Variants in ZHX3 observed in about 807,000 individuals in gnomAD.
The protein encoded by ZHX3 is zinc fingers and homeoboxes protein 3.
ZHX3 carries 20 observed loss-of-function variants against 64.5 expected under a neutral mutation model. The observed-to-expected ratio is 0.31, with a 90% CI of 0.22 to 0.45. The LOEUF is 0.45. Among genes scored for constraint, ZHX3 ranks in the 20% least tolerant of loss-of-function variants. The pLI, the probability that ZHX3 is intolerant of heterozygous loss-of-function variation, is 1.00. For missense variants in ZHX3, 1,041 were observed against 1,195.8 expected, an observed-to-expected ratio of 0.87 and a Z score of 1.91; for synonymous variants, 423 against 461.6, an observed-to-expected ratio of 0.92 and a Z score of 1.07.
chr20:41,233,630 G>A (rs769038437), intron 2 of ZHX3, among the ~76,000 whole-genome samples: 3 of 152,176 alleles, frequency 2.0e-5, no homozygotes, highest in African/African-American at 4.8e-5. Context: ...GGATAGATAC[G>A]GGTGTAAATA....
chr20:41,207,343 C>A (rs1013000560), intron 2 of ZHX3, among the ~76,000 whole-genome samples: 1 of 152,102 alleles, frequency 6.6e-6, no homozygotes, highest in South Asian at 2.1e-4. Flanking sequence ...ACCAAGCAGA[C>A]CTAACTGACA....
In ZHX3 at chr20:41,232,957, A is replaced by G. The variant is rs1434350973; in HGVS notation, c.-150-27891T>C. ...ACCATGACAGAGTCAGGAGAAACTT[A>G]CACAAGGCTGGTCTTAGGGTTCGTT... On this transcript the variant is annotated intron_variant, in intron 2 of 3. Coordinates refer to ENST00000683867, the MANE Select transcript of ZHX3 (RefSeq NM_001384317.1). The surrounding 1 kb of genome is among the most constrained non-coding windows in gnomAD (Gnocchi z 5.0). Among the ~76,000 whole-genome samples, 5 of 152,228 alleles carry G rather than the reference A, an allele frequency of 3.3e-5. No individual in the cohort carries two copies. The highest frequency in any genetic ancestry group is 7.3e-5 in the Non-Finnish European group (5 of 68,036).
chr20:41,180,224 C>G lies in ZHX3; in HGVS notation c.*4967G>C, dbSNP rs953478197. ...CCCTTCGCTCAGCTGCCAGAGCAGC[C>G]ACGAAAGCCAAATTCTCAGGGCTGT... On this transcript the variant is annotated 3_prime_UTR_variant, in exon 4 of 4. Coordinates refer to ENST00000683867, the MANE Select transcript of ZHX3 (RefSeq NM_001384317.1). 3.3e-5 allele frequency: 5 copies of G among 152,750 alleles called. No homozygotes were observed. The highest frequency in any genetic ancestry group is 4.1e-4 in the South Asian group (2 of 4,830). The allele number at this position is 152,750 out of a possible 1,614,324, so 9.5% of individuals were successfully genotyped here.
intron 1 of ZHX3, among the ~76,000 whole-genome samples, chr20:41,298,464 C>T (rs1171494210): frequency 6.6e-6 from 1 of 152,240 alleles, no homozygotes; most frequent in Non-Finnish European, 1.5e-5. Flanking sequence ...TCAAATTCTA[C>T]AGCCTTACTG....
chr20:41,208,859 A>G (rs963214654), intron 2 of ZHX3, among the ~76,000 whole-genome samples: 6 of 152,308 alleles, frequency 3.9e-5, no homozygotes, highest in Admixed American at 2.0e-4. Flanking sequence ...GGCAGGAGAA[A>G]GAAATAAAGG....
chr20:41,292,203 T>C (rs1343867574), intron 1 of ZHX3, among the ~76,000 whole-genome samples: 2 of 152,186 alleles, frequency 1.3e-5, no homozygotes, highest in African/African-American at 4.8e-5. Context: ...ATTGGGACTT[T>C]TGAATTTAAT....
chr20:41,284,626 C>T (rs2043846742), intron 1 of ZHX3, among the ~76,000 whole-genome samples: 1 of 152,158 alleles, frequency 6.6e-6, no homozygotes. Context: ...ATCAAGACCC[C>T]AGCCTTGAAG....
At chr20:41,241,817 ACT>A (rs1333652285) in intron 2 of ZHX3, among the ~76,000 whole-genome samples, 1 of 152,010 alleles carries the variant, frequency 6.6e-6, no homozygotes, top group Non-Finnish European at 1.5e-5. Flanking sequence ...GATTGCATTG[ACT>A]CTGTAGATTG....
Position 41,228,036 on chromosome 20 carries a change from C to G in ZHX3, c.-150-22970G>C, listed in dbSNP as rs2040378693. 6.6e-6 allele frequency among the ~76,000 whole-genome samples: 1 copy of G among 152,138 alleles called. No homozygotes were observed. The highest frequency in any genetic ancestry group is 1.5e-5 in the Non-Finnish European group (1 of 68,040). ...CCTCTCCTTCTGCCCAAACCACTTG[C>G]ACCAAGGTCATCAGTCAAGTGGCTC... is the stretch of plus-strand genomic sequence containing the variant. On this transcript the variant is annotated intron_variant, in intron 2 of 3. Coordinates refer to ENST00000683867, the MANE Select transcript of ZHX3 (RefSeq NM_001384317.1). The surrounding 1 kb of genome is among the most constrained non-coding windows in gnomAD (Gnocchi z 4.6).
intron 1 of ZHX3, among the ~76,000 whole-genome samples, chr20:41,300,450 A>T (rs920402152): frequency 6.6e-6 from 1 of 152,240 alleles, no homozygotes; most frequent in Non-Finnish European, 1.5e-5. Context: ...CCTTCATTAT[A>T]AAGTGTGGCT....
intron 2 of ZHX3, among the ~76,000 whole-genome samples, chr20:41,210,402 G>A (rs989546001): frequency 1.4e-4 from 21 of 152,326 alleles, no homozygotes; most frequent in African/African-American, 5.1e-4. Context: ...GCACACGTAT[G>A]TTTATTGCGG....
chr20:41,272,549 ACTC>A (rs1190311825), intron 1 of ZHX3, among the ~76,000 whole-genome samples: 1 of 151,606 alleles, frequency 6.6e-6, no homozygotes, highest in African/African-American at 2.4e-5. Context: ...TCCTCCTCCA[ACTC>A]CTGACAACCA....
At chr20:41,227,558 C>T (rs1310908682) in intron 2 of ZHX3, among the ~76,000 whole-genome samples, 8 of 152,134 alleles carry the variant, frequency 5.3e-5, no homozygotes, top group Admixed American at 1.3e-4. Flanking sequence ...AGTTAACTTC[C>T]GCTGCAAGAT....
chr20:41,247,424 A>AAC (rs1419510569), intron 2 of ZHX3, among the ~76,000 whole-genome samples: 2 of 152,134 alleles, frequency 1.3e-5, no homozygotes, highest in African/African-American at 4.8e-5. Context: ...CAAAGTATTG[A>AAC]ACCTCCCAAA....
chr20:41,216,877 C>CT (rs890270107), intron 2 of ZHX3, among the ~76,000 whole-genome samples: 5 of 152,118 alleles, frequency 3.3e-5, no homozygotes, highest in African/African-American at 1.2e-4. Flanking sequence ...TATTTTCAGT[C>CT]TTTGTTAATT....
intron 1 of ZHX3, among the ~76,000 whole-genome samples, chr20:41,279,326 C>T (rs2043552434): frequency 6.6e-6 from 1 of 152,034 alleles, no homozygotes; most frequent in South Asian, 2.1e-4. Flanking sequence ...TTATATACTC[C>T]CCACCACAAC....
At chr20:41,267,677 G>A (rs775882894) in intron 2 of ZHX3, 1 of 152,222 alleles carries the variant, frequency 6.6e-6, no homozygotes, top group South Asian at 2.1e-4. Context: ...TTTCAATTGA[G>A]GGTACCATAC....
chr20:41,243,610 T>C (rs1490911561), intron 2 of ZHX3, among the ~76,000 whole-genome samples: 1 of 152,176 alleles, frequency 6.6e-6, no homozygotes, highest in Non-Finnish European at 1.5e-5. Flanking sequence ...CTCCTGACAC[T>C]ATGTTCTGGG....
In ZHX3 at chr20:41,201,431, CTA is replaced by C; in HGVS notation, c.2860+624_2860+625del. 2 of 1,245,480 alleles carry C rather than the reference CTA, an allele frequency of 1.6e-6. No individual in the cohort carries two copies. Among genetic ancestry groups the C allele is most frequent in the Non-Finnish European group, 2.1e-6 (2 of 937,310 alleles). The allele number at this position is 1,245,480 out of a possible 1,614,324, so 77.2% of individuals were successfully genotyped here. On this transcript the variant is annotated intron_variant, in intron 3 of 3. Transcript: ENST00000683867. This position sits in a 1 kb window ranked among gnomAD's most constrained non-coding sequence, Gnocchi z 5.0. ...ACATGACTTGTCTGTGGCTTCAAAACTATGTCTTAAATAAAAATAATCTTCTA... is the reference window on the plus strand; with the variant it reads ...ACATGACTTGTCTGTGGCTTCAAAACTGTCTTAAATAAAAATAATCTTCTA...
Sources: gnomAD v4.1 joint callset for allele counts (sites outside exome capture counted in the v4.1 genomes callset) on GRCh38, gnomAD v4.1.1 for gene constraint, Gnocchi (gnomAD v3.1) non-coding constraint, MANE v1.5 for transcripts, NCBI Gene and HGNC (gene_info 2026-07-23, HGNC 2026-07-21) for gene names.